FOXP1: variants seen among roughly 807,000 people sequenced by gnomAD.
The protein encoded by FOXP1 is forkhead box protein P1.
A neutral mutation model predicts 98.2 loss-of-function variants in FOXP1; 15 were observed. The ratio of observed to expected loss-of-function variants is 0.15; its 90% CI spans 0.10 to 0.24. The LOEUF is 0.24. FOXP1 is among the 10% of genes least tolerant of loss of function. The pLI is 1.00. For synonymous variants in FOXP1, 371 were observed against 314.5 expected (o/e 1.18, Z -1.90); for missense variants, 633 against 848.5 (o/e 0.75, Z 3.15).
At chr3:71,457,297 G>A (rs2087597061) in intron 3 of FOXP1, among the ~76,000 whole-genome samples, 1 of 152,176 alleles carries the variant, frequency 6.6e-6, no homozygotes, top group Non-Finnish European at 1.5e-5. Flanking sequence ...AAAATATGCA[G>A]TAGTACTGTA....
intron 12 of FOXP1, among the ~76,000 whole-genome samples, chr3:71,011,321 C>A (rs2043587285): frequency 6.6e-6 from 1 of 152,176 alleles, no homozygotes; most frequent in Non-Finnish European, 1.5e-5. Context: ...CAGGGCACAT[C>A]ATGGTGATTG....
chr3:71,198,183 A>T lies in FOXP1; in HGVS notation c.180+19T>A, dbSNP rs1480356390. The stretch of plus-strand genomic sequence containing the variant: ...TCGCACCCACCACCTCCACCTCCCA[A>T]GACTCCAAAGCCCAGTACCTGTTGC... On this transcript the variant is annotated intron_variant, in intron 6 of 20. Coordinates refer to ENST00000649528, the MANE Select transcript of FOXP1 (RefSeq NM_001349338.3). 6.2e-7 allele frequency: 1 copy of T among 1,614,032 alleles called. No homozygotes were observed. The highest frequency in any genetic ancestry group is 1.3e-5 in the African/African-American group (1 of 75,040).
At chr3:71,524,042 A>G (rs1560604500) in intron 2 of FOXP1, among the ~76,000 whole-genome samples, 1 of 152,216 alleles carries the variant, frequency 6.6e-6, no homozygotes, top group Non-Finnish European at 1.5e-5. Flanking sequence ...GAAATAAAAA[A>G]GGGTAAAAAA....
Position 71,308,808 on chromosome 3 carries a change from G to GTGTGT in FOXP1, c.-72-8929_-72-8928insACACA, listed in dbSNP as rs2074485849. On this transcript the variant is annotated intron_variant, in intron 4 of 20. Coordinates refer to ENST00000649528, the MANE Select transcript of FOXP1 (RefSeq NM_001349338.3). ...GTGTGTGTGTGTGTGTGTGTGTGTG[G>GTGTGT]GTGAGGGGGGACAGCTCCAAAGCAA... Among the ~76,000 whole-genome samples the GTGTGT allele has an allele frequency of 6.2e-5, 8 of 128,588 alleles. No homozygotes were observed. In the South Asian group the frequency reaches 1.0e-3, roughly 17 times the overall value. 84.4% of individuals were successfully genotyped at this position (128,588 alleles called of 152,430 possible). A position where few individuals can be genotyped will look rare whatever the true frequency, so the allele number is the denominator to read the frequency against.
At chr3:71,400,381 G>C (rs2081871760) in intron 3 of FOXP1, among the ~76,000 whole-genome samples, 2 of 151,526 alleles carry the variant, frequency 1.3e-5, no homozygotes, top group Admixed American at 1.3e-4. Flanking sequence ...TTTTGAGACA[G>C]AGTCTCGTTC....
intron 5 of FOXP1, chr3:71,289,520 T>C (rs2107488024): frequency 6.6e-6 from 1 of 152,336 alleles, no homozygotes; most frequent in Non-Finnish European, 1.5e-5. Flanking sequence ...TGCTCAGCTT[T>C]GTTTCCTACT....
At chr3:70,990,474 A>G (rs2040432739) in intron 13 of FOXP1, among the ~76,000 whole-genome samples, 2 of 149,716 alleles carry the variant, frequency 1.3e-5, no homozygotes, top group East Asian at 4.1e-4. Context: ...CATCCCCATC[A>G]ATTTTCACGG....
intron 16 of FOXP1, among the ~76,000 whole-genome samples, chr3:70,977,260 C>G (rs535688742): frequency 2.6e-5 from 4 of 152,032 alleles, no homozygotes; most frequent in Non-Finnish European, 5.9e-5. Context: ...TGTTTCCGTA[C>G]AGAAATATTA....
At chr3:71,185,052 G>T (rs1407825293) in intron 6 of FOXP1, among the ~76,000 whole-genome samples, 2 of 152,040 alleles carry the variant, frequency 1.3e-5, no homozygotes, top group African/African-American at 4.8e-5. Context: ...AATTAGCCAG[G>T]TGTGGTGGCA....
intron 3 of FOXP1, among the ~76,000 whole-genome samples, chr3:71,409,912 G>A (rs184084575): frequency 1.6e-4 from 24 of 152,320 alleles, no homozygotes; most frequent in Admixed American, 3.9e-4. Flanking sequence ...CTACCTGGAA[G>A]GGTGAGACGG....
chr3:71,182,544 A>C (rs1468827431), intron 6 of FOXP1, among the ~76,000 whole-genome samples: 77 of 131,610 alleles, frequency 5.9e-4, no homozygotes, highest in Non-Finnish European at 1.1e-3. Flanking sequence ...ATATATGTAT[A>C]TATTCTTTTT....
intron 2 of FOXP1, among the ~76,000 whole-genome samples, chr3:71,553,273 T>C (rs1020599854): frequency 6.6e-6 from 1 of 152,158 alleles, no homozygotes; most frequent in Non-Finnish European, 1.5e-5. Context: ...CTTTGACAAA[T>C]ATTTTTACAA....
At chr3:71,276,641 T>C (rs1476121149) in intron 5 of FOXP1, among the ~76,000 whole-genome samples, 1 of 152,180 alleles carries the variant, frequency 6.6e-6, no homozygotes, top group Non-Finnish European at 1.5e-5. Flanking sequence ...ACAATAACTG[T>C]ATATATGCAT....
intron 2 of FOXP1, among the ~76,000 whole-genome samples, chr3:71,536,891 C>T (rs1229427830): frequency 6.6e-6 from 1 of 152,104 alleles, no homozygotes; most frequent in Non-Finnish European, 1.5e-5. Context: ...CCAGTGGCAA[C>T]ACATGTGCAG....
intron 6 of FOXP1, among the ~76,000 whole-genome samples, chr3:71,193,775 C>A (rs565162047): frequency 6.6e-6 from 1 of 152,296 alleles, no homozygotes; most frequent in South Asian, 2.1e-4. Flanking sequence ...ATGTACATAA[C>A]TAGACTCTTT....
chr3:71,215,908 G>C (rs1276453522), intron 5 of FOXP1, among the ~76,000 whole-genome samples: 1 of 152,206 alleles, frequency 6.6e-6, no homozygotes, highest in Admixed American at 6.5e-5. Context: ...GAAATCTAAA[G>C]AAAATCTTTA....
intron 7 of FOXP1, among the ~76,000 whole-genome samples, chr3:71,088,469 G>GCTCACTCTAGGTGC (rs1014520816): frequency 1.3e-5 from 2 of 149,470 alleles, no homozygotes; most frequent in African/African-American, 4.9e-5. Context: ...TTTCTCTGCT[G>GCTCACTCTAGGTGC]CTCACTCTAG....
At chr3:71,252,128 TTCTCTC>T (rs55852351) in intron 5 of FOXP1, among the ~76,000 whole-genome samples, 3 of 151,848 alleles carry the variant, frequency 2.0e-5, no homozygotes, top group African/African-American at 4.8e-5. Flanking sequence ...AGAGATCTCT[TTCTCTC>T]TCTCTCACCG....
chr3:71,468,208 T>C (rs1298948662), intron 3 of FOXP1, among the ~76,000 whole-genome samples: 1 of 152,124 alleles, frequency 6.6e-6, no homozygotes, highest in Non-Finnish European at 1.5e-5. Context: ...ATTTCAAAAA[T>C]TCAATCACGA....
Sources: gnomAD v4.1 joint callset for allele counts (sites outside exome capture counted in the v4.1 genomes callset) on GRCh38, gnomAD v4.1.1 for gene constraint, MANE v1.5 for transcripts, NCBI Gene and HGNC (gene_info 2026-07-23, HGNC 2026-07-21) for gene names.